YPEL1: variants seen among roughly 807,000 people sequenced by gnomAD.
The protein encoded by YPEL1 is protein yippee-like 1.
Under a neutral mutation model 17.3 loss-of-function variants are expected in YPEL1, and 7 were observed. The observed-to-expected ratio is 0.40, with a 90% CI of 0.23 to 0.76. The LOEUF is 0.76. YPEL1 is among the 30% of genes least tolerant of loss of function. The probability of loss-of-function intolerance (pLI) is 0.35; values close to 1 mark genes in which losing one functional copy is unlikely to be tolerated. For missense variants in YPEL1, 91 were observed against 155.5 expected (o/e 0.59, Z 2.21); for synonymous variants, 59 against 59.6 (o/e 0.99, Z 0.05).
At chr22:21,735,545 A>C (rs2068428290) in intron 1 of YPEL1, 70 bp downstream of exon 1, 1 of 148,970 alleles carries the variant, frequency 6.7e-6, no homozygotes, top group Non-Finnish European at 1.5e-5. Flanking sequence ...GCCCGCCCGC[A>C]GCCACAGTAT....
rs1467874530 is a variant in YPEL1 at position 21,735,741 on chromosome 22, G to A, written c.-291C>T. ...CGCTGAGGCCGTTAACGCCTAGGCA[G>A]GGCGCGAGGCATCCTCCCGCCGCCG... On this transcript the variant is annotated 5_prime_UTR_variant, in exon 1 of 5. Transcript: ENST00000339468. The A allele has an allele frequency of 6.6e-6, 1 of 150,958 alleles. No homozygotes were observed. The highest frequency in any genetic ancestry group is 2.1e-4 in the South Asian group (1 of 4,824). The allele number at this position is 150,958 out of a possible 1,614,324, so 9.4% of individuals were successfully genotyped here. A position where few individuals can be genotyped will look rare whatever the true frequency, so the allele number is the denominator to read the frequency against.
intron 1 of YPEL1, among the ~76,000 whole-genome samples, chr22:21,724,479 G>T (rs758089644): frequency 6.6e-6 from 1 of 152,056 alleles, no homozygotes; most frequent in Non-Finnish European, 1.5e-5. Context: ...GGAGGTTGCT[G>T]TGAGCCATGA....
intron 1 of YPEL1, among the ~76,000 whole-genome samples, chr22:21,711,427 C>T (rs998583221): frequency 2.6e-5 from 4 of 152,306 alleles, no homozygotes; most frequent in Admixed American, 6.5e-5. Context: ...CCAAGACGCC[C>T]GGTGAGTGGG....
At chr22:21,701,357 G>C (rs749200790) in intron 4 of YPEL1, 139 bp from the exon 5 acceptor site, 2 of 601,944 alleles carry the variant, frequency 3.3e-6, no homozygotes, top group South Asian at 4.4e-5. Flanking sequence ...CTCATCCGGC[G>C]CTGGGAGGGT....
At position 21,699,003 on chromosome 22, in the gene YPEL1, A is replaced by C. The variant is rs1454194896; in HGVS notation, c.*2126T>G. On this transcript the variant is annotated 3_prime_UTR_variant, in exon 5 of 5. Coordinates refer to ENST00000339468, the MANE Select transcript of YPEL1 (RefSeq NM_013313.5). ...ACTTCTGCCTCTGTCACTCCTGCTG[A>C]GTGGATGCATCTCAGTGCCATGCCC... 1 of 152,428 alleles carries C rather than the reference A, an allele frequency of 6.6e-6. No homozygotes were observed. Among genetic ancestry groups the C allele is most frequent in the Non-Finnish European group, 1.5e-5 (1 of 68,068 alleles). The allele number at this position is 152,428 out of a possible 1,614,324, so 9.4% of individuals were successfully genotyped here. A position where few individuals can be genotyped will look rare whatever the true frequency, so the allele number is the denominator to read the frequency against.
At chr22:21,718,487 A>G (rs1041635691) in intron 1 of YPEL1, among the ~76,000 whole-genome samples, 7 of 151,790 alleles carry the variant, frequency 4.6e-5, no homozygotes, top group African/African-American at 1.7e-4. Context: ...ATATAAATAA[A>G]TAAATAAAAG....
rs1372745887 is a variant in YPEL1, at chr22:21,699,589, G to C, written c.*1540C>G. On this transcript the variant is annotated 3_prime_UTR_variant, in exon 5 of 5. Coordinates refer to ENST00000339468, the MANE Select transcript of YPEL1 (RefSeq NM_013313.5). ...ATGGGACAGCACCACGCAGGGACGG[G>C]CAACGCGTCTAGCAGGCCAGGCGTC... 6.6e-6 allele frequency: 1 copy of C among 152,624 alleles called. No homozygotes were observed. Among genetic ancestry groups the C allele is most frequent in the Admixed American group, 6.5e-5 (1 of 15,280 alleles). The allele number at this position is 152,624 out of a possible 1,614,324, so 9.5% of individuals were successfully genotyped here. A position where few individuals can be genotyped will look rare whatever the true frequency, so the allele number is the denominator to read the frequency against.
intron 1 of YPEL1, among the ~76,000 whole-genome samples, chr22:21,732,201 T>C (rs2068394391): frequency 6.6e-6 from 1 of 152,222 alleles, no homozygotes; most frequent in African/African-American, 2.4e-5. Flanking sequence ...CCCTCTTGAC[T>C]TCTTTCCTGA....
At chr22:21,720,737 G>A (rs1053521623) in intron 1 of YPEL1, among the ~76,000 whole-genome samples, 9 of 150,268 alleles carry the variant, frequency 6.0e-5, no homozygotes, top group African/African-American at 1.5e-4. Flanking sequence ...TGATCCACCC[G>A]CCTTGGCCTC....
Position 21,735,603 on chromosome 22 carries a change from G to A in YPEL1, c.-165+12C>T, listed in dbSNP as rs937664308. 326 of 151,790 alleles carry A rather than the reference G, an allele frequency of 2.1e-3. 2 individuals are homozygous for A. The highest frequency in any genetic ancestry group is 2.5e-3 in the Non-Finnish European group (169 of 67,890). 9.4% of individuals were successfully genotyped at this position (151,790 alleles called of 1,614,324 possible). A position where few individuals can be genotyped will look rare whatever the true frequency, so the allele number is the denominator to read the frequency against. On this transcript the variant is annotated intron_variant, in intron 1 of 4. Transcript: ENST00000339468. ...CGCCCGCGCAGCTGCAGCCAGGCCC[G>A]CCCGTACTCACGGCCGCTCCGCGGT...
chr22:21,729,147 GAAA>G (rs754274655), intron 1 of YPEL1, among the ~76,000 whole-genome samples: 1 of 121,142 alleles, frequency 8.3e-6, no homozygotes, highest in Admixed American at 8.7e-5. Flanking sequence ...CCATCCTGAA[GAAA>G]AAAAAAAAAA....
At chr22:21,727,203 A>G (rs2068344042) in intron 1 of YPEL1, among the ~76,000 whole-genome samples, 1 of 152,164 alleles carries the variant, frequency 6.6e-6, no homozygotes, top group Non-Finnish European at 1.5e-5. Flanking sequence ...AACCCTTGTC[A>G]CTAGCCCTCA....
Position 21,700,813 on chromosome 22 carries a change from C to G in YPEL1, c.*316G>C, listed in dbSNP as rs2068057976. The G allele has an allele frequency of 4.7e-6, 1 of 210,840 alleles. No homozygotes were observed. Among genetic ancestry groups the G allele is most frequent in the African/African-American group, 2.3e-5 (1 of 43,360 alleles). 13.1% of individuals were successfully genotyped at this position (210,840 alleles called of 1,614,324 possible). ...CAACTGAACCTTAAAAAAGCAGAGC[C>G]CAACTATATTGAAGACAAAGGTGAA... On this transcript the variant is annotated 3_prime_UTR_variant, in exon 5 of 5. Coordinates refer to ENST00000339468, the MANE Select transcript of YPEL1 (RefSeq NM_013313.5).
Position 21,703,840 on chromosome 22 carries a change from C to T in YPEL1, c.160G>A (p.Val54Met), listed in dbSNP as rs1247081148. The T allele has an allele frequency of 6.2e-6, 10 of 1,609,406 alleles. No individual in the cohort carries two copies. Among genetic ancestry groups the T allele is most frequent in the African/African-American group, 1.3e-5 (1 of 74,806 alleles). Residue 54 changes from valine (V) to methionine (M), a missense_variant and splice_region_variant, in exon 3 of 5, where the codon GTG (valine) becomes ATG (methionine). Val to Met is a conservative substitution (Grantham distance 21, BLOSUM62 1). Transcript: ENST00000339468. The surrounding 1 kb of genome is among the most constrained non-coding windows in gnomAD (Gnocchi z 6.1). The part of the protein sequence containing the change: ...SQGRAYLFNS[V>M]VNVGCGPAEE... Reference sequence around the variant, plus strand: ...CCCGGGCTGAACCAGGGTACTCACACGGAATTGAAGAGGTAGGCGCGTCCC... The same window carrying T: ...CCCGGGCTGAACCAGGGTACTCACATGGAATTGAAGAGGTAGGCGCGTCCC...
At chr22:21,731,955 A>G (rs533757181) in intron 1 of YPEL1, among the ~76,000 whole-genome samples, 1 of 152,310 alleles carries the variant, frequency 6.6e-6, no homozygotes, top group East Asian at 1.9e-4. Context: ...GCAGGGGCTC[A>G]GCAAGCACCT....
At chr22:21,725,855 C>T (rs1026042729) in intron 1 of YPEL1, among the ~76,000 whole-genome samples, 30 of 149,558 alleles carry the variant, frequency 2.0e-4, no homozygotes, top group African/African-American at 6.9e-4. Context: ...AAAAAATAGC[C>T]GGGCACGGTG....
chr22:21,700,919 G>C lies in YPEL1; in HGVS notation c.*210C>G. 1 of 437,488 alleles carries C rather than the reference G, an allele frequency of 2.3e-6. No individual in the cohort carries two copies. The highest frequency in any genetic ancestry group is 4.1e-6 in the Non-Finnish European group (1 of 246,376). The allele number at this position is 437,488 out of a possible 1,614,324, so 27.1% of individuals were successfully genotyped here. ...CTTGAGAAGTTAGAAAAAGCTCATTGAAAATTTTCAGAAACAACTGTGTAC... is the reference window on the plus strand; with the variant it reads ...CTTGAGAAGTTAGAAAAAGCTCATTCAAAATTTTCAGAAACAACTGTGTAC... On this transcript the variant is annotated 3_prime_UTR_variant, in exon 5 of 5. Coordinates refer to ENST00000339468, the MANE Select transcript of YPEL1 (RefSeq NM_013313.5).
At position 21,703,713 on chromosome 22, in the gene YPEL1, G is replaced by GA. The variant is rs140645955; in HGVS notation, c.161+125_161+126insT. On this transcript the variant is annotated intron_variant, in intron 3 of 4. Coordinates refer to ENST00000339468, the MANE Select transcript of YPEL1 (RefSeq NM_013313.5). The surrounding 1 kb of genome is among the most constrained non-coding windows in gnomAD (Gnocchi z 6.1). ...TAGCGCGTTTCAGAAACTCCCGGCG[G>GA]GGGGATGGTGGGTTCTTTCAGGACC... 9.0e-7 allele frequency: 1 copy of GA among 1,115,074 alleles called. No homozygotes were observed. Among genetic ancestry groups the GA allele is most frequent in the South Asian group, 1.5e-5 (1 of 65,666 alleles). The allele number at this position is 1,115,074 out of a possible 1,614,324, so 69.1% of individuals were successfully genotyped here. A position where few individuals can be genotyped will look rare whatever the true frequency, so the allele number is the denominator to read the frequency against.
At chr22:21,702,105 A>C (rs2068072116) in intron 4 of YPEL1, among the ~76,000 whole-genome samples, 1 of 152,186 alleles carries the variant, frequency 6.6e-6, no homozygotes, top group African/African-American at 2.4e-5. Context: ...ACACATCCTC[A>C]TCATTTTGTT....
Sources: allele counts gnomAD v4.1 joint callset (sites outside exome capture counted in the v4.1 genomes callset), GRCh38; gene constraint gnomAD v4.1.1; non-coding constraint Gnocchi (gnomAD v3.1); transcripts MANE v1.5; gene names NCBI Gene and HGNC (gene_info 2026-07-23, HGNC 2026-07-21).